RNF19B: variants seen among roughly 807,000 people sequenced by gnomAD.
RNF19B encodes the protein E3 ubiquitin-protein ligase RNF19B.
Under a neutral mutation model 65.5 loss-of-function variants are expected in RNF19B, and 23 were observed. The ratio of observed to expected loss-of-function variants is 0.35; its 90% CI spans 0.25 to 0.50. The LOEUF (loss-of-function observed/expected upper bound fraction) is 0.50, where lower values mean the gene tolerates loss of function less well. Among genes scored for constraint, RNF19B ranks in the 20% least tolerant of loss-of-function variants. RNF19B has a pLI of 0.98. For synonymous variants in RNF19B, 372 were observed against 379.6 expected (o/e 0.98, Z 0.23); for missense variants, 794 against 980.0 (o/e 0.81, Z 2.53).
chr1:32,964,430 CG>C lies in RNF19B; in HGVS notation c.255del (p.Ala86ProfsTer69). ...GCCGCGGCCTCCGCCTCGGCCTCGGCGGCCGGCTCGGCGGGCAGCGCCTCGG... is the reference window on the plus strand; with the variant it reads ...GCCGCGGCCTCCGCCTCGGCCTCGGCGCCGGCTCGGCGGGCAGCGCCTCGG... ...PPPEALPAEP[A>X]AEAEAEAAAA... is the part of the protein sequence containing the mutation. On this transcript the variant is annotated frameshift_variant, in exon 1 of 9. Transcript: ENST00000235150. LOFTEE classifies it high-confidence loss of function. The surrounding 1 kb of genome is among the most constrained non-coding windows in gnomAD (Gnocchi z 6.5). The C allele has an allele frequency of 8.6e-7, 1 of 1,167,876 alleles. No individual in the cohort carries two copies. Among genetic ancestry groups the C allele is most frequent in the Non-Finnish European group, 1.1e-6 (1 of 949,458 alleles). 72.3% of individuals were successfully genotyped at this position (1,167,876 alleles called of 1,614,324 possible).
rs1391353245 is a variant in RNF19B at position 32,964,592 on chromosome 1, G to A, written c.94C>T (p.Arg32Cys). ...PKCRSGGRRR[R>C]LTLHSVFSAS... ...GAGAAGACGCTGTGCAAGGTGAGGC[G>A]CCGGCGCCGGCCGCCGCTGCGGCAC... Residue 32 changes from arginine (R) to cysteine (C), a missense_variant, in exon 1 of 9, where the codon CGC becomes TGC. Coordinates refer to ENST00000235150, the MANE Select transcript of RNF19B (RefSeq NM_001300826.2). This position sits in a 1 kb window ranked among gnomAD's most constrained non-coding sequence, Gnocchi z 6.5. The A allele has an allele frequency of 6.9e-7, 1 of 1,446,978 alleles. No homozygotes were observed. The highest frequency in any genetic ancestry group is 1.3e-5 in the South Asian group (1 of 76,920). The allele number at this position is 1,446,978 out of a possible 1,614,324, so 89.6% of individuals were successfully genotyped here. A position where few individuals can be genotyped will look rare whatever the true frequency, so the allele number is the denominator to read the frequency against.
chr1:32,936,731 T>TG lies in RNF19B; in HGVS notation c.*74dup, dbSNP rs1459749029. The stretch of plus-strand genomic sequence containing the variant: ...ATAAAATACATAAATCTCTACCCCT[T>TG]GGAAAAAAAAAAAAAAAAATTCCAA... On this transcript the variant is annotated 3_prime_UTR_variant, in exon 9 of 9. Transcript: ENST00000235150. The TG allele has an allele frequency of 3.7e-5, 45 of 1,202,718 alleles. No homozygotes were observed. Among genetic ancestry groups the TG allele is most frequent in the African/African-American group, 2.0e-4 (12 of 59,798 alleles). 74.5% of individuals were successfully genotyped at this position (1,202,718 alleles called of 1,614,324 possible). A position where few individuals can be genotyped will look rare whatever the true frequency, so the allele number is the denominator to read the frequency against.
In RNF19B at chr1:32,937,276, C is replaced by T. The variant is rs773549167; in HGVS notation, c.1743-17G>A. On this transcript the variant is annotated splice_polypyrimidine_tract_variant and intron_variant, in intron 8 of 8. Transcript: ENST00000235150. The stretch of plus-strand genomic sequence containing the variant: ...TTGCATTCTCTGTGGAGACAAAATC[C>T]ACTTTGCTGAGTCATGCATGGATCA... The T allele has an allele frequency of 1.2e-6, 2 of 1,613,130 alleles. No homozygotes were observed. The highest frequency in any genetic ancestry group is 1.7e-6 in the Non-Finnish European group (2 of 1,180,050).
At position 32,964,767 on chromosome 1, in the gene RNF19B, C is replaced by T; in HGVS notation, c.-82G>A. The stretch of plus-strand genomic sequence containing the variant: ...GCGCCCCTCAGCCAGCGCCCGGCCG[C>T]CGCCGACGCCGCCACCACCGCCTCA... On this transcript the variant is annotated 5_prime_UTR_variant, in exon 1 of 9. Coordinates refer to ENST00000235150, the MANE Select transcript of RNF19B (RefSeq NM_001300826.2). The surrounding 1 kb of genome is among the most constrained non-coding windows in gnomAD (Gnocchi z 6.5). The T allele has an allele frequency of 1.3e-5, 16 of 1,218,036 alleles. No homozygotes were observed. Among genetic ancestry groups the T allele is most frequent in the Non-Finnish European group, 1.7e-5 (16 of 958,432 alleles). The allele number at this position is 1,218,036 out of a possible 1,614,324, so 75.5% of individuals were successfully genotyped here.
At chr1:32,956,413 T>TG (rs1205499694) in intron 1 of RNF19B, among the ~76,000 whole-genome samples, 1 of 150,162 alleles carries the variant, frequency 6.7e-6, no homozygotes, top group African/African-American at 2.5e-5. Context: ...CCGAGTGTGG[T>TG]GGGGCGCGGT....
Position 32,944,175 on chromosome 1 carries a change from G to A in RNF19B, c.1262-16C>T, listed in dbSNP as rs1642310241. 6.2e-7 allele frequency: 1 copy of A among 1,603,626 alleles called. No homozygotes were observed. Among genetic ancestry groups the A allele is most frequent in the Non-Finnish European group, 8.5e-7 (1 of 1,174,704 alleles). On this transcript the variant is annotated splice_polypyrimidine_tract_variant and intron_variant, in intron 5 of 8. Coordinates refer to ENST00000235150, the MANE Select transcript of RNF19B (RefSeq NM_001300826.2). Reference sequence around the variant, plus strand: ...ACACCAATACCTGGGGGAAGAGAAGGAAACATGTCAGCTGGCTATTAGGTT... The same window carrying A: ...ACACCAATACCTGGGGGAAGAGAAGAAAACATGTCAGCTGGCTATTAGGTT...
chr1:32,963,952 G>A (rs1642835298), intron 1 of RNF19B, 99 bp downstream of exon 1: 1 of 1,351,400 alleles, frequency 7.4e-7, no homozygotes, highest in Admixed American at 4.0e-5. Context: ...CCGCCTTGCG[G>A]GTTTCCCTGC....
In RNF19B at chr1:32,936,717, A is replaced by G; in HGVS notation, c.*89T>C. 1.6e-6 allele frequency: 2 copies of G among 1,247,472 alleles called. No individual in the cohort carries two copies. Among genetic ancestry groups the G allele is most frequent in the Non-Finnish European group, 2.1e-6 (2 of 933,870 alleles). The allele number at this position is 1,247,472 out of a possible 1,614,324, so 77.3% of individuals were successfully genotyped here. ...AGAGAATCTGTGAAATAAAATACAT[A>G]AATCTCTACCCCTTGGAAAAAAAAA... On this transcript the variant is annotated 3_prime_UTR_variant, in exon 9 of 9. Transcript: ENST00000235150.
In RNF19B at chr1:32,937,064, G is replaced by A. The variant is rs1033960418; in HGVS notation, c.1938C>T (p.Cys646=). Residue 646 remains cysteine, a synonymous_variant, in exon 9 of 9, where the codon TGC becomes TGT. Coordinates refer to ENST00000235150, the MANE Select transcript of RNF19B (RefSeq NM_001300826.2). The part of the protein sequence containing the change: ...CRHQSCEQKD[C]LASKPWDISL... Reference sequence around the variant, plus strand: ...TGATGTCCCAAGGTTTGCTGGCCAGGCAGTCTTTCTGTTCACAGCTTTGGT... The same window carrying A: ...TGATGTCCCAAGGTTTGCTGGCCAGACAGTCTTTCTGTTCACAGCTTTGGT... 1 of 1,614,166 alleles carries A rather than the reference G, an allele frequency of 6.2e-7. No individual in the cohort carries two copies. The highest frequency in any genetic ancestry group is 1.3e-5 in the African/African-American group (1 of 75,038).
In RNF19B at chr1:32,949,751, C is replaced by G; in HGVS notation, c.659G>C (p.Cys220Ser). Residue 220 changes from cysteine (C) to serine (S), a missense_variant, in exon 2 of 9, where the codon TGT becomes TCT. By Grantham distance (112) the Cys-to-Ser change is moderately radical. This residue lies in a region of RNF19B where 374 missense variants were observed against 423.8 expected (regional missense o/e 0.88). Transcript: ENST00000235150. ...ACAAGTTAGCTTCGGGCAGCTGGCACAGCCATAGGCAATAACAGCATAACT... is the reference window on the plus strand; with the variant it reads ...ACAAGTTAGCTTCGGGCAGCTGGCAGAGCCATAGGCAATAACAGCATAACT... ...DCGYAVIAYG[C>S]ASCPKLTCER... 13 of 1,613,822 alleles carry G rather than the reference C, an allele frequency of 8.1e-6. No individual in the cohort carries two copies. Among genetic ancestry groups the G allele is most frequent in the Non-Finnish European group, 1.1e-5 (13 of 1,179,960 alleles).
chr1:32,949,854 A>G, intron 1 of RNF19B, 80 bp from the exon 2 acceptor site: 4 of 1,108,470 alleles, frequency 3.6e-6, no homozygotes, highest in Non-Finnish European at 5.4e-6. Flanking sequence ...AGAGTTAACA[A>G]TGTTTGGCAC....
At chr1:32,959,716 C>G (rs1053286894) in intron 1 of RNF19B, among the ~76,000 whole-genome samples, 1 of 151,974 alleles carries the variant, frequency 6.6e-6, no homozygotes. Flanking sequence ...TAAGATTATA[C>G]TAGGCCATAT....
At chr1:32,937,574 A>T (rs551231662) in intron 8 of RNF19B, among the ~76,000 whole-genome samples, 32 of 151,992 alleles carry the variant, frequency 2.1e-4, no homozygotes, top group Admixed American at 1.9e-3. Context: ...CTGGGCATGG[A>T]GGCACGTGCC....
chr1:32,952,783 C>G (rs1642539027), intron 1 of RNF19B, among the ~76,000 whole-genome samples: 1 of 148,404 alleles, frequency 6.7e-6, no homozygotes, highest in Non-Finnish European at 1.5e-5. Flanking sequence ...TATGGTGACA[C>G]AGGCCTGCAG....
rs141345077 is a variant in RNF19B, at chr1:32,937,195, T to C, written c.1807A>G (p.Ser603Gly). The C allele has an allele frequency of 2.5e-6, 4 of 1,614,172 alleles. No individual in the cohort carries two copies. Among genetic ancestry groups the C allele is most frequent in the Non-Finnish European group, 2.5e-6 (3 of 1,180,036 alleles). ...AGCGAGTCCTCCGTGCTGCTTCCAC[T>C]CACCAGCTGATAGTGGCTTGGTTTG... ...EAKPSHYQLVSGSSTEDSLHV... is the reference protein window; with the variant it reads ...EAKPSHYQLVGGSSTEDSLHV... The change falls in exon 9 of 9, where the codon AGT (serine) becomes GGT (glycine). Residue 603 changes from serine (S) to glycine (G), a missense_variant. By Grantham distance (56) the Ser-to-Gly change is moderately conservative (BLOSUM62 0). Coordinates refer to ENST00000235150, the MANE Select transcript of RNF19B (RefSeq NM_001300826.2).
downstream of RNF19B, among the ~76,000 whole-genome samples, chr1:32,935,502 T>C (rs1381505928): frequency 1.3e-5 from 2 of 152,138 alleles, no homozygotes; most frequent in Non-Finnish European, 2.9e-5. Context: ...TTTTGACAAA[T>C]TTGTAAGATC....
At position 32,964,473 on chromosome 1, in the gene RNF19B, C is replaced by T. The variant is rs2124203657; in HGVS notation, c.213G>A (p.Ala71=). 2.2e-5 allele frequency: 21 copies of T among 956,856 alleles called. No individual in the cohort carries two copies. Among genetic ancestry groups the T allele is most frequent in the Non-Finnish European group, 2.2e-5 (18 of 808,160 alleles). The allele number at this position is 956,856 out of a possible 1,614,324, so 59.3% of individuals were successfully genotyped here. ...GCGCCTCGGGCGGCGGGCCCTGGGC[C>T]GCGGCAGGGGCCGGGGCGGGCGGCG... ...AQPPPAPAPA[A]AQGPPPEALP... Residue 71 remains alanine, a synonymous_variant, in exon 1 of 9, where the codon GCG becomes GCA. Coordinates refer to ENST00000235150, the MANE Select transcript of RNF19B (RefSeq NM_001300826.2). This position sits in a 1 kb window ranked among gnomAD's most constrained non-coding sequence, Gnocchi z 6.5.
chr1:32,941,708 T>C (rs1016967788), intron 7 of RNF19B, among the ~76,000 whole-genome samples: 4 of 152,096 alleles, frequency 2.6e-5, no homozygotes, highest in Non-Finnish European at 4.4e-5. Flanking sequence ...AGGATTATTC[T>C]TTATATAGAG....
intron 6 of RNF19B, among the ~76,000 whole-genome samples, chr1:32,942,813 T>C (rs755962377): frequency 6.6e-6 from 1 of 152,172 alleles, no homozygotes; most frequent in African/African-American, 2.4e-5. Context: ...GTTTGGGTCA[T>C]GTGCTGATTT....
Sources: gnomAD v4.1 joint callset for allele counts (sites outside exome capture counted in the v4.1 genomes callset) on GRCh38, gnomAD v4.1.1 for gene constraint, gnomAD v4.1.1 regional missense constraint, Gnocchi (gnomAD v3.1) non-coding constraint, MANE v1.5 for transcripts, NCBI Gene and HGNC (gene_info 2026-07-23, HGNC 2026-07-21) for gene names.